Variants in CELF2 observed in about 807,000 individuals in gnomAD.
CELF2 encodes the protein CUGBP Elav-like family member 2.
CELF2 carries 8 observed loss-of-function variants against 62.6 expected under a neutral mutation model. That is an observed-to-expected ratio of 0.13 (90% CI 0.07 to 0.23). The LOEUF is 0.23. CELF2 is among the 10% of genes least tolerant of loss of function. The pLI is 1.00. For synonymous variants in CELF2, 258 were observed against 250.0 expected (o/e 1.03, Z -0.30); for missense variants, 333 against 671.0 (o/e 0.50, Z 5.56).
chr10:10,537,476 C>T, the CELF2 span, among the ~76,000 whole-genome samples: 1 of 152,170 alleles, frequency 6.6e-6, no homozygotes, highest in Non-Finnish European at 1.5e-5. Flanking sequence ...GAGCCACCTA[C>T]CATAGGTCCA....
chr10:10,702,246 C>T, the CELF2 span, among the ~76,000 whole-genome samples: 1 of 152,106 alleles, frequency 6.6e-6, no homozygotes, highest in East Asian at 1.9e-4. Context: ...GGGAAACAGC[C>T]ACAAAACAAA....
At chr10:11,301,384 C>T (rs2093706410) in intron 9 of CELF2, among the ~76,000 whole-genome samples, 1 of 94,862 alleles carries the variant, frequency 1.1e-5, no homozygotes, top group African/African-American at 4.0e-5. Context: ...CCCCCCACTT[C>T]CCCCCTCCCC....
intron 3 of CELF2, among the ~76,000 whole-genome samples, chr10:11,229,394 G>C (rs11257024): frequency 0.012 from 1,745 of 146,970 alleles, 30 homozygotes; most frequent in South Asian, 0.028. Flanking sequence ...AATGATATGT[G>C]CAGTAGATGA....
At chr10:10,600,932 T>C in the CELF2 span, among the ~76,000 whole-genome samples, 1 of 152,158 alleles carries the variant, frequency 6.6e-6, no homozygotes, top group Admixed American at 6.5e-5. Context: ...CATCTGCCCA[T>C]GCCACATAGC....
At chr10:10,616,152 T>G in the CELF2 span, among the ~76,000 whole-genome samples, 100 of 152,270 alleles carry the variant, frequency 6.6e-4, no homozygotes, top group Middle Eastern at 3.4e-3. Flanking sequence ...AACCTAAGCC[T>G]GTATTTCTCC....
chr10:10,756,406 A>AT, the CELF2 span, among the ~76,000 whole-genome samples: 1 of 152,186 alleles, frequency 6.6e-6, no homozygotes, highest in Non-Finnish European at 1.5e-5. Context: ...TAGAGTTGGG[A>AT]TTTTTACCTG....
At chr10:10,859,966 A>G (rs1429903502) in intron 1 of CELF2, among the ~76,000 whole-genome samples, 1 of 152,114 alleles carries the variant, frequency 6.6e-6, no homozygotes, top group Non-Finnish European at 1.5e-5. Flanking sequence ...TGTATGTTTT[A>G]TGTCTATCAA....
At chr10:11,071,859 C>T (rs1046466513) in intron 1 of CELF2, among the ~76,000 whole-genome samples, 3 of 152,198 alleles carry the variant, frequency 2.0e-5, no homozygotes, top group African/African-American at 7.2e-5. Flanking sequence ...TCATATCTCA[C>T]CCCTGACAAG....
chr10:10,542,536 A>G, the CELF2 span, among the ~76,000 whole-genome samples: 1 of 152,202 alleles, frequency 6.6e-6, no homozygotes, highest in Non-Finnish European at 1.5e-5. Context: ...CCACTCTAAG[A>G]TAGAAAAAAC....
chr10:10,562,381 T>G, the CELF2 span, among the ~76,000 whole-genome samples: 1 of 152,248 alleles, frequency 6.6e-6, no homozygotes, highest in Non-Finnish European at 1.5e-5. Context: ...TTACATATAT[T>G]GATCATTTAC....
chr10:11,018,785 C>G (rs1294028618), intron 1 of CELF2: 2 of 152,296 alleles, frequency 1.3e-5, no homozygotes, highest in Admixed American at 1.3e-4. Context: ...TGACGGAGCT[C>G]TGGTGGCCGG....
Position 11,260,075 on chromosome 10 carries a change from A to G in CELF2, c.538+2203A>G, listed in dbSNP as rs2080032028. On this transcript the variant is annotated intron_variant, in intron 5 of 12. Transcript: ENST00000633077. The surrounding 1 kb of genome is among the most constrained non-coding windows in gnomAD (Gnocchi z 4.2). ...CAGTGACCCCAAGTTCCAGACCCAC[A>G]ACTTCTACTGAAATGAAATAGAACT... is the stretch of plus-strand genomic sequence containing the variant. Among the ~76,000 whole-genome samples, 1 of 152,158 alleles carries G rather than the reference A, an allele frequency of 6.6e-6. No individual in the cohort carries two copies. The highest frequency in any genetic ancestry group is 1.5e-5 in the Non-Finnish European group (1 of 68,034).
intron 9 of CELF2, among the ~76,000 whole-genome samples, chr10:11,304,641 A>C (rs1191845112): frequency 6.6e-6 from 1 of 152,244 alleles, no homozygotes; most frequent in African/African-American, 2.4e-5. Flanking sequence ...CTCCTGTTAC[A>C]TAACCCATGA....
chr10:10,620,709 T>C, the CELF2 span, among the ~76,000 whole-genome samples: 1 of 151,142 alleles, frequency 6.6e-6, no homozygotes, highest in African/African-American at 2.4e-5. Flanking sequence ...GAGACTATCC[T>C]GGCTAACACG....
At chr10:11,187,287 CT>C in intron 2 of CELF2, among the ~76,000 whole-genome samples, 2 of 152,054 alleles carry the variant, frequency 1.3e-5, no homozygotes, top group Middle Eastern at 3.4e-3. Flanking sequence ...TTGAAATGAC[CT>C]TTATTTCTGG....
At chr10:10,783,956 C>G in the CELF2 span, among the ~76,000 whole-genome samples, 5 of 151,962 alleles carry the variant, frequency 3.3e-5, no homozygotes, top group African/African-American at 1.2e-4. Flanking sequence ...CCACTGCACT[C>G]TAGCCTGGTG....
chr10:10,463,880 G>T, the CELF2 span, among the ~76,000 whole-genome samples: 2 of 149,698 alleles, frequency 1.3e-5, no homozygotes, highest in Non-Finnish European at 3.0e-5. Context: ...CTTTGGTTTT[G>T]AATAGATAAC....
At chr10:10,558,749 G>T in the CELF2 span, among the ~76,000 whole-genome samples, 1 of 151,988 alleles carries the variant, frequency 6.6e-6, no homozygotes, top group Admixed American at 6.6e-5. Context: ...CAACTTCTTC[G>T]TGGTTTAGTC....
the CELF2 span, among the ~76,000 whole-genome samples, chr10:10,640,262 G>A: frequency 2.0e-5 from 3 of 152,206 alleles, no homozygotes; most frequent in Non-Finnish European, 4.4e-5. Flanking sequence ...TGGATGTTGA[G>A]TAAAGGCTTG....
Sources: gnomAD v4.1 joint callset for allele counts (sites outside exome capture counted in the v4.1 genomes callset) on GRCh38, gnomAD v4.1.1 for gene constraint, Gnocchi (gnomAD v3.1) non-coding constraint, MANE v1.5 for transcripts, NCBI Gene and HGNC (gene_info 2026-07-23, HGNC 2026-07-21) for gene names.